The following PLCB4 variants were observed in gnomAD, a reference collection of about 807,000 sequenced individuals.
The protein encoded by PLCB4 is phospholipase C beta 4.
In PLCB4, 77 loss-of-function variants were observed where a neutral mutation model predicts 178.8. The ratio of observed to expected loss-of-function variants is 0.43; its 90% CI spans 0.36 to 0.52. The LOEUF is 0.52. Ranked by LOEUF, PLCB4 falls within the 20% of genes least tolerant of loss-of-function variation. The probability of loss-of-function intolerance (pLI) is 0.00; values close to 1 mark genes in which losing one functional copy is unlikely to be tolerated. For synonymous variants in PLCB4, 496 were observed against 490.8 expected, an observed-to-expected ratio of 1.01 and a Z score of -0.14; for missense variants, 1,024 against 1,453.4, an observed-to-expected ratio of 0.70 and a Z score of 4.80.
At chr20:9,338,616 G>A (rs1284927232) in intron 6 of PLCB4, among the ~76,000 whole-genome samples, 1 of 152,142 alleles carries the variant, frequency 6.6e-6, no homozygotes, top group Non-Finnish European at 1.5e-5. Context: ...GGCAGATGTT[G>A]CAGTGAGCTG....
At chr20:9,297,284 C>T (rs2094649320) in intron 3 of PLCB4, among the ~76,000 whole-genome samples, 1 of 151,948 alleles carries the variant, frequency 6.6e-6, no homozygotes, top group African/African-American at 2.4e-5. Flanking sequence ...TATGTGTGTA[C>T]ACGTGTTCTC....
At chr20:9,416,080 A>G (rs529435945) in intron 25 of PLCB4, among the ~76,000 whole-genome samples, 2 of 152,224 alleles carry the variant, frequency 1.3e-5, no homozygotes, top group South Asian at 4.2e-4. Flanking sequence ...TACTCTCTTC[A>G]AGTATACAAA....
chr20:9,386,176 C>G (rs2037640440), intron 14 of PLCB4, among the ~76,000 whole-genome samples: 1 of 151,736 alleles, frequency 6.6e-6, no homozygotes, highest in Non-Finnish European at 1.5e-5. Context: ...CCACGGAAGT[C>G]CGGGGCAGGG....
chr20:9,414,667 C>T (rs946669216), intron 25 of PLCB4, among the ~76,000 whole-genome samples: 1 of 152,210 alleles, frequency 6.6e-6, no homozygotes, highest in African/African-American at 2.4e-5. Flanking sequence ...TCTGTGCTCC[C>T]TGGCTGATCT....
intron 3 of PLCB4, among the ~76,000 whole-genome samples, chr20:9,231,045 C>T (rs1480797858): frequency 2.0e-5 from 3 of 152,060 alleles, no homozygotes; most frequent in East Asian, 1.9e-4. Context: ...GAATTACAAG[C>T]GTATTTATTT....
intron 24 of PLCB4, among the ~76,000 whole-genome samples, chr20:9,409,654 TAAATGCCACTA>T (rs1312853590): frequency 9.2e-5 from 14 of 152,196 alleles, no homozygotes; most frequent in African/African-American, 3.1e-4. Context: ...TATTTTGAAG[TAAATGCCACTA>T]AAATGGTATA....
chr20:9,278,705 C>T (rs907682284), intron 3 of PLCB4, among the ~76,000 whole-genome samples: 10 of 151,942 alleles, frequency 6.6e-5, no homozygotes, highest in East Asian at 3.9e-4. Flanking sequence ...GATCTCACAA[C>T]GAGCAGATAT....
intron 3 of PLCB4, among the ~76,000 whole-genome samples, chr20:9,262,503 A>T (rs1258317850): frequency 6.6e-6 from 1 of 152,178 alleles, no homozygotes; most frequent in Non-Finnish European, 1.5e-5. Flanking sequence ...TGTAAGGATG[A>T]TGAGACTGGA....
At chr20:9,293,021 G>A (rs1469486246) in intron 3 of PLCB4, among the ~76,000 whole-genome samples, 3 of 152,136 alleles carry the variant, frequency 2.0e-5, no homozygotes, top group African/African-American at 7.2e-5. Flanking sequence ...AGAGGTTGCA[G>A]TGAGGCCAGA....
chr20:9,375,746 C>T (rs1349492515), intron 12 of PLCB4, among the ~76,000 whole-genome samples: 1 of 152,134 alleles, frequency 6.6e-6, no homozygotes, highest in Non-Finnish European at 1.5e-5. Context: ...TGTTGATTGT[C>T]TACTCTGATA....
At chr20:9,377,973 TAG>T (rs1270592399) in intron 12 of PLCB4, among the ~76,000 whole-genome samples, 1 of 152,148 alleles carries the variant, frequency 6.6e-6, no homozygotes, top group East Asian at 1.9e-4. Context: ...GCAGATTCAG[TAG>T]ATCTAGGGAG....
intron 2 of PLCB4, among the ~76,000 whole-genome samples, chr20:9,180,527 A>C (rs2093228255): frequency 6.6e-6 from 1 of 152,182 alleles, no homozygotes; most frequent in Admixed American, 6.5e-5. Flanking sequence ...GCCTAAACTC[A>C]GTTTAGCATG....
intron 1 of PLCB4, among the ~76,000 whole-genome samples, chr20:9,074,636 T>C (rs538285980): frequency 4.6e-5 from 7 of 152,278 alleles, no homozygotes; most frequent in Non-Finnish European, 7.4e-5. Context: ...GTACCAGATC[T>C]TCCTTTGGAC....
chr20:9,239,492 T>C (rs1323869718), intron 3 of PLCB4, among the ~76,000 whole-genome samples: 3 of 152,150 alleles, frequency 2.0e-5, no homozygotes, highest in Non-Finnish European at 2.9e-5. Flanking sequence ...TAACCAAACC[T>C]TTCTGTGATA....
At chr20:9,250,315 ACC>A (rs1380763099) in intron 3 of PLCB4, among the ~76,000 whole-genome samples, 1 of 152,214 alleles carries the variant, frequency 6.6e-6, no homozygotes. Context: ...GTCAGGTGGT[ACC>A]CACAAACCTT....
chr20:9,258,343 C>T (rs980331404), intron 3 of PLCB4, among the ~76,000 whole-genome samples: 4 of 151,982 alleles, frequency 2.6e-5, no homozygotes, highest in African/African-American at 4.8e-5. Flanking sequence ...CACATTTTCA[C>T]GATATTTCAG....
intron 2 of PLCB4, among the ~76,000 whole-genome samples, chr20:9,105,632 A>G (rs543032779): frequency 6.6e-6 from 1 of 152,250 alleles, no homozygotes; most frequent in East Asian, 1.9e-4. Context: ...TGAGTAAAAT[A>G]TTAAAGAACC....
intron 3 of PLCB4, among the ~76,000 whole-genome samples, chr20:9,240,541 T>C (rs562736317): frequency 9.9e-5 from 15 of 152,266 alleles, no homozygotes; most frequent in Admixed American, 2.6e-4. Context: ...CTAACTATTA[T>C]TGTGTTATTG....
At position 9,409,062 on chromosome 20, in the gene PLCB4, A is replaced by C; in HGVS notation, c.1880A>C (p.Asn627Thr). 1 of 1,610,424 alleles carries C rather than the reference A, an allele frequency of 6.2e-7. No homozygotes were observed. Among genetic ancestry groups the C allele is most frequent in the South Asian group, 1.1e-5 (1 of 89,884 alleles). Reference sequence around the variant, plus strand: ...TTTTCCTTAATAAGTTACAGTTATAACAAACGGCAAATGAGTCGCATTTAC... The same window carrying C: ...TTTTCCTTAATAAGTTACAGTTATACCAAACGGCAAATGAGTCGCATTTAC... ...KTHAIEFVNY[N>T]KRQMSRIYPK... The change falls in exon 24 of 40, where the codon AAC (asparagine) becomes ACC (threonine). Residue 627 changes from asparagine (N) to threonine (T), a missense_variant. By Grantham distance (65) the Asn-to-Thr change is moderately conservative. Coordinates refer to ENST00000378473, the MANE Select transcript of PLCB4 (RefSeq NM_001377142.1).
Sources: gnomAD v4.1 joint callset for allele counts (sites outside exome capture counted in the v4.1 genomes callset) on GRCh38, gnomAD v4.1.1 for gene constraint, MANE v1.5 for transcripts, NCBI Gene and HGNC (gene_info 2026-07-23, HGNC 2026-07-21) for gene names.